Variants in SLC4A10 observed in about 807,000 individuals in gnomAD.
SLC4A10 encodes solute carrier family 4 member 10.
A neutral mutation model predicts 137.7 loss-of-function variants in SLC4A10; 42 were observed. The ratio of observed to expected loss-of-function variants is 0.30; its 90% CI spans 0.24 to 0.39. The LOEUF is 0.39. Among genes scored for constraint, SLC4A10 ranks in the 10% least tolerant of loss-of-function variants. The pLI, the probability that SLC4A10 is intolerant of heterozygous loss-of-function variation, is 1.00. For synonymous variants in SLC4A10, 474 were observed against 464.1 expected, an observed-to-expected ratio of 1.02 and a Z score of -0.27; for missense variants, 925 against 1,355.0, an observed-to-expected ratio of 0.68 and a Z score of 4.98.
At position 161,885,275 on chromosome 2, in the gene SLC4A10, T is replaced by C. The variant is rs866794955; in HGVS notation, c.1194+2831T>C. On this transcript the variant is annotated intron_variant, in intron 10 of 26. Coordinates refer to ENST00000446997, the MANE Select transcript of SLC4A10 (RefSeq NM_001178015.2). ...TAGAATTTAATATGTTGATTCATAG[T>C]TTACTTTGGTTAAAAAAAATAGTGC... 3.0e-5 allele frequency among the ~76,000 whole-genome samples: 4 copies of C among 135,452 alleles called. No individual in the cohort carries two copies. The South Asian group carries it at 9.7e-4, about 33-fold the overall frequency. 88.9% of individuals were successfully genotyped at this position (135,452 alleles called of 152,430 possible).
At chr2:161,810,385 A>G (rs1416647705) in intron 3 of SLC4A10, among the ~76,000 whole-genome samples, 1 of 152,034 alleles carries the variant, frequency 6.6e-6, no homozygotes, top group Admixed American at 6.6e-5. Context: ...TGCTCTGGCT[A>G]GGTCTTCCTA....
rs1329782056 is a variant in SLC4A10 at position 161,627,128 on chromosome 2, T to A, written c.48+2562T>A. Among the ~76,000 whole-genome samples, 18 of 152,282 alleles carry A rather than the reference T, an allele frequency of 1.2e-4. No homozygotes were observed. In the East Asian group the frequency reaches 3.3e-3, roughly 28 times the overall value. On this transcript the variant is annotated intron_variant, in intron 1 of 26. Coordinates refer to ENST00000446997, the MANE Select transcript of SLC4A10 (RefSeq NM_001178015.2). ...TGAAGTTCCTGACATTTAGTAAGTG[T>A]TCAATAAAACTTGCTATTATCATTG... is the stretch of plus-strand genomic sequence containing the variant.
At chr2:161,626,530 A>G (rs954215640) in intron 1 of SLC4A10, among the ~76,000 whole-genome samples, 1 of 152,170 alleles carries the variant, frequency 6.6e-6, no homozygotes, top group African/African-American at 2.4e-5. Context: ...GCAGATCATC[A>G]CAAGAAAAAC....
intron 15 of SLC4A10, among the ~76,000 whole-genome samples, chr2:161,925,101 C>G: frequency 6.6e-6 from 1 of 152,136 alleles, no homozygotes; most frequent in East Asian, 1.9e-4. Flanking sequence ...TTCTGGCTAT[C>G]TTGATAGAAA....
chr2:161,669,534 A>T (rs1366555740), intron 1 of SLC4A10, among the ~76,000 whole-genome samples: 1 of 151,976 alleles, frequency 6.6e-6, no homozygotes, highest in Non-Finnish European at 1.5e-5. Flanking sequence ...TTGTCATACA[A>T]ATACTATTAT....
chr2:161,695,407 T>G (rs1315515349), intron 1 of SLC4A10, among the ~76,000 whole-genome samples: 1 of 152,026 alleles, frequency 6.6e-6, no homozygotes, highest in Non-Finnish European at 1.5e-5. Context: ...AAATTTCATT[T>G]TATTGAATTT....
chr2:161,808,179 C>T (rs2125620323), intron 3 of SLC4A10, among the ~76,000 whole-genome samples: 1 of 151,992 alleles, frequency 6.6e-6, no homozygotes, highest in East Asian at 1.9e-4. Flanking sequence ...TTAAACATGT[C>T]CTATTTTCTA....
rs555919233 is a variant in SLC4A10, at chr2:161,890,151, G to GACTGTT, written c.1195-4527_1195-4522dup. ...AATTTGATTGCACTGTGGTCTGAGA[G>GACTGTT]ACTGTTTGTTATGATTTGTGTTCTT... On this transcript the variant is annotated intron_variant, in intron 10 of 26. Transcript: ENST00000446997. 4.2e-3 allele frequency among the ~76,000 whole-genome samples: 644 copies of GACTGTT among 152,318 alleles called. 2 individuals carry two copies. The highest frequency in any genetic ancestry group is 0.015 in the African/African-American group (617 of 41,564).
At chr2:161,930,151 G>A (rs1330649072) in intron 15 of SLC4A10, among the ~76,000 whole-genome samples, 2 of 152,122 alleles carry the variant, frequency 1.3e-5, no homozygotes. Flanking sequence ...TGGAAATAAG[G>A]TAATATTAAG....
chr2:161,855,961 T>C (rs970869244), intron 5 of SLC4A10, among the ~76,000 whole-genome samples: 1 of 152,112 alleles, frequency 6.6e-6, no homozygotes, highest in African/African-American at 2.4e-5. Context: ...ATTGTAGAGA[T>C]GAAAAACTAT....
chr2:161,729,247 A>G (rs1055670411), intron 1 of SLC4A10, among the ~76,000 whole-genome samples: 2 of 152,170 alleles, frequency 1.3e-5, no homozygotes, highest in Non-Finnish European at 2.9e-5. Flanking sequence ...AGAAATAAAT[A>G]AAACCATTTA....
intron 17 of SLC4A10, among the ~76,000 whole-genome samples, 186 bp from the exon 18 acceptor site, chr2:161,948,962 G>A (rs968380425): frequency 1.3e-5 from 2 of 151,952 alleles, no homozygotes; most frequent in Admixed American, 1.3e-4. Context: ...CAATCTTAAC[G>A]ACAGTGATAC....
intron 1 of SLC4A10, among the ~76,000 whole-genome samples, chr2:161,757,263 G>T (rs1480530942): frequency 6.6e-6 from 1 of 152,076 alleles, no homozygotes; most frequent in African/African-American, 2.4e-5. Context: ...TAAAATAAAA[G>T]TTGACATTAA....
At chr2:161,731,878 C>T (rs1225384090) in intron 1 of SLC4A10, among the ~76,000 whole-genome samples, 4 of 152,154 alleles carry the variant, frequency 2.6e-5, no homozygotes, top group Non-Finnish European at 5.9e-5. Flanking sequence ...CATATCAAAT[C>T]AGTAATGCAG....
At chr2:161,804,336 C>T (rs1182797333) in intron 2 of SLC4A10, 113 bp from the exon 3 acceptor site, 2 of 1,203,096 alleles carry the variant, frequency 1.7e-6, no homozygotes, top group Non-Finnish European at 1.1e-6. Flanking sequence ...TCATAAACAT[C>T]AAAAATGACT....
intron 23 of SLC4A10, among the ~76,000 whole-genome samples, chr2:161,966,660 G>T (rs551996622): frequency 1.9e-3 from 294 of 151,480 alleles, no homozygotes; most frequent in African/African-American, 6.8e-3. Context: ...GAGGCAGGAG[G>T]ATCACTTGAA....
At chr2:161,652,426 T>TACAC (rs931138522) in intron 1 of SLC4A10, among the ~76,000 whole-genome samples, 1 of 151,654 alleles carries the variant, frequency 6.6e-6, no homozygotes, top group African/African-American at 2.4e-5. Context: ...AGAAAAGATA[T>TACAC]ACACACACAC....
At chr2:161,869,980 G>C (rs925030567) in intron 6 of SLC4A10, among the ~76,000 whole-genome samples, 3 of 151,382 alleles carry the variant, frequency 2.0e-5, no homozygotes, top group African/African-American at 4.8e-5. Context: ...TCTGCTGCTA[G>C]TTAAACTCTC....
At chr2:161,814,230 C>A (rs976604480) in intron 3 of SLC4A10, among the ~76,000 whole-genome samples, 12 of 152,196 alleles carry the variant, frequency 7.9e-5, no homozygotes, top group African/African-American at 2.6e-4. Context: ...CAATGAGATA[C>A]TATCTCACAC....
Sources: allele counts gnomAD v4.1 joint callset (sites outside exome capture counted in the v4.1 genomes callset), GRCh38; gene constraint gnomAD v4.1.1; transcripts MANE v1.5; gene names NCBI Gene and HGNC (gene_info 2026-07-23, HGNC 2026-07-21).